The following OPTN variants were observed in gnomAD, a reference collection of about 807,000 sequenced individuals.
The protein encoded by OPTN is E3-14.7K-interacting protein.
Under a neutral mutation model 70.4 loss-of-function variants are expected in OPTN, and 54 were observed. The ratio of observed to expected loss-of-function variants is 0.77; its 90% confidence interval spans 0.62 to 0.96. OPTN has a LOEUF of 0.96. OPTN is among the 40% of genes least tolerant of loss of function. The pLI is 0.00. For missense variants in OPTN, 624 were observed against 673.2 expected, an observed-to-expected ratio of 0.93 and a Z score of 0.81; for synonymous variants, 256 against 248.5, an observed-to-expected ratio of 1.03 and a Z score of -0.28.
chr10:13,124,906 G>C (rs1285431998), intron 9 of OPTN, among the ~76,000 whole-genome samples: 1 of 152,130 alleles, frequency 6.6e-6, no homozygotes, highest in Non-Finnish European at 1.5e-5. Flanking sequence ...ATGTCTAATG[G>C]GCTGGGCATT....
At chr10:13,126,311 C>T (rs1833461129) in intron 11 of OPTN, among the ~76,000 whole-genome samples, 4 of 138,614 alleles carry the variant, frequency 2.9e-5, no homozygotes, top group African/African-American at 6.2e-5. Context: ...GACGGAGTCT[C>T]GCTCTGTCGC....
At chr10:13,135,229 T>C (rs1272147565) in intron 14 of OPTN, among the ~76,000 whole-genome samples, 3 of 152,132 alleles carry the variant, frequency 2.0e-5, no homozygotes, top group Non-Finnish European at 4.4e-5. Flanking sequence ...AACAGAGAGA[T>C]GCCCGGGAGC....
intron 1 of OPTN, chr10:13,104,803 C>A: frequency 4.1e-6 from 2 of 483,550 alleles, no homozygotes; most frequent in South Asian, 2.0e-5. Flanking sequence ...TGATGCTATT[C>A]GAGATGTTCA....
chr10:13,119,378 G>T (rs1010500481), intron 7 of OPTN, among the ~76,000 whole-genome samples: 1 of 152,186 alleles, frequency 6.6e-6, no homozygotes, highest in African/African-American at 2.4e-5. Context: ...AACGTAGCAT[G>T]TATCAGTACT....
chr10:13,111,993 G>C (rs11258195), intron 4 of OPTN, among the ~76,000 whole-genome samples: 1 of 150,702 alleles, frequency 6.6e-6, no homozygotes, highest in African/African-American at 2.4e-5. Flanking sequence ...GACTACAGGC[G>C]CCCGCCACCA....
At chr10:13,101,797 T>C (rs1832754696) in intron 1 of OPTN, among the ~76,000 whole-genome samples, 1 of 152,210 alleles carries the variant, frequency 6.6e-6, no homozygotes, top group African/African-American at 2.4e-5. Flanking sequence ...TTTGAGAATC[T>C]GGAAGTGAAT....
rs765884 is a variant in OPTN at position 13,122,332 on chromosome 10, T to C, written c.780-53T>C. On this transcript the variant is annotated intron_variant, in intron 7 of 14. Transcript: ENST00000378747. ...TTTAGTACTTCTGTAATAATTGCTATTTCTCTTAAAGCCAAAGAGAAAGTA... is the reference window on the plus strand; with the variant it reads ...TTTAGTACTTCTGTAATAATTGCTACTTCTCTTAAAGCCAAAGAGAAAGTA... The C allele has an allele frequency of 0.27, 347,848 of 1,269,060 alleles. 49,477 individuals are homozygous for C. Among genetic ancestry groups the C allele is most frequent in the Middle Eastern group, 0.4 (1,987 of 4,940 alleles). The allele number at this position is 1,269,060 out of a possible 1,614,324, so 78.6% of individuals were successfully genotyped here.
chr10:13,121,567 G>A (rs1833352912), intron 7 of OPTN, among the ~76,000 whole-genome samples: 1 of 137,690 alleles, frequency 7.3e-6, no homozygotes, highest in Non-Finnish European at 1.5e-5. Context: ...TCCTTGTCTT[G>A]TTCCTAATCT....
In OPTN at chr10:13,112,608, A is replaced by G. The variant is rs753825586; in HGVS notation, c.525A>G (p.Glu175=). ...QLKLNSSGSS[E]DSFVEIRMAE... ...AGCTGAACTCCAGCGGCTCCTCAGA[A>G]GATTCCTTTGTTGAAATTAGGATGG... Residue 175 remains glutamate, a synonymous_variant, in exon 5 of 15, where the codon GAA becomes GAG. Transcript: ENST00000378747. 4 of 1,614,158 alleles carry G rather than the reference A, an allele frequency of 2.5e-6. No individual in the cohort carries two copies. The highest frequency in any genetic ancestry group is 3.4e-6 in the Non-Finnish European group (4 of 1,180,020).
chr10:13,105,352 A>T (rs796752952), intron 1 of OPTN, among the ~76,000 whole-genome samples: 4 of 152,308 alleles, frequency 2.6e-5, no homozygotes, highest in African/African-American at 7.2e-5. Context: ...AAACTAAAGA[A>T]TATTTTTCAC....
intron 5 of OPTN, among the ~76,000 whole-genome samples, chr10:13,115,891 T>G (rs1833196732): frequency 6.6e-6 from 1 of 151,948 alleles, no homozygotes; most frequent in Admixed American, 6.6e-5. Flanking sequence ...GCATTTTGCA[T>G]TTTAAAGGAA....
intron 1 of OPTN, among the ~76,000 whole-genome samples, chr10:13,101,521 A>G (rs1369284435): frequency 1.3e-5 from 2 of 151,702 alleles, no homozygotes; most frequent in Non-Finnish European, 1.5e-5. Flanking sequence ...TGGCCATGAA[A>G]TACACCTTCT....
intron 1 of OPTN, among the ~76,000 whole-genome samples, chr10:13,105,991 C>G (rs1832858705): frequency 6.6e-6 from 1 of 151,938 alleles, no homozygotes; most frequent in South Asian, 2.1e-4. Flanking sequence ...CTCTCTTCTC[C>G]CCTCCCCTTC....
At chr10:13,114,245 G>C (rs963949517) in intron 5 of OPTN, among the ~76,000 whole-genome samples, 1 of 152,092 alleles carries the variant, frequency 6.6e-6, no homozygotes, top group Non-Finnish European at 1.5e-5. Flanking sequence ...AATAGAGTTA[G>C]GAAACAGCTC....
chr10:13,131,845 C>G (rs2131527761), intron 12 of OPTN, among the ~76,000 whole-genome samples: 1 of 152,254 alleles, frequency 6.6e-6, no homozygotes, highest in East Asian at 1.9e-4. Context: ...AGTGCAGTTG[C>G]AGGATTTGTG....
intron 4 of OPTN, among the ~76,000 whole-genome samples, chr10:13,111,669 A>G (rs960649533): frequency 7.2e-5 from 11 of 151,786 alleles, no homozygotes; most frequent in Admixed American, 1.3e-4. Flanking sequence ...TTGCACTCCA[A>G]TGGGCGACAG....
intron 6 of OPTN, among the ~76,000 whole-genome samples, chr10:13,117,747 A>G (rs1192396693): frequency 6.6e-6 from 1 of 152,152 alleles, no homozygotes; most frequent in Admixed American, 6.5e-5. Context: ...GCGCCCAGCT[A>G]TCTCATAGAT....
intron 4 of OPTN, among the ~76,000 whole-genome samples, chr10:13,112,139 A>G (rs966722961): frequency 2.6e-4 from 35 of 136,548 alleles, no homozygotes; most frequent in South Asian, 4.8e-4. Context: ...GTGAGCCACC[A>G]CGCCTGGCTT....
At chr10:13,126,712 AATC>A (rs1359902190) in intron 11 of OPTN, among the ~76,000 whole-genome samples, 1 of 152,104 alleles carries the variant, frequency 6.6e-6, no homozygotes, top group African/African-American at 2.4e-5. Context: ...GGGACCCTGG[AATC>A]ATCAGCCTGC....
Sources: allele counts gnomAD v4.1 joint callset (sites outside exome capture counted in the v4.1 genomes callset), GRCh38; gene constraint gnomAD v4.1.1; transcripts MANE v1.5; gene names NCBI Gene and HGNC (gene_info 2026-07-23, HGNC 2026-07-21).